NOL10: variants seen among roughly 807,000 people sequenced by gnomAD.
The protein encoded by NOL10 is H_NH0074G24.1.
NOL10 carries 58 observed loss-of-function variants against 103.5 expected under a neutral mutation model. That is an observed-to-expected ratio of 0.56 (90% confidence interval 0.45 to 0.70). NOL10 has a LOEUF of 0.70. Among genes scored for constraint, NOL10 ranks in the 30% least tolerant of loss-of-function variants. The pLI is 0.00. For missense variants in NOL10, 763 were observed against 807.3 expected, an observed-to-expected ratio of 0.95 and a Z score of 0.67; for synonymous variants, 287 against 282.5, an observed-to-expected ratio of 1.02 and a Z score of -0.16.
intron 19 of NOL10, among the ~76,000 whole-genome samples, chr2:10,588,224 G>C (rs1164693474): frequency 6.6e-6 from 1 of 152,110 alleles, no homozygotes; most frequent in Non-Finnish European, 1.5e-5. Flanking sequence ...TGGAAGGGTG[G>C]TAAATATTTA....
rs745314511 is a variant in NOL10, at chr2:10,682,020, C to A, written c.162G>T (p.Val54=). ...CTTTTGACACCTTAATAGTGGTACA[C>A]ACAGTAGGCATTTCAAAGTCCTGAA... ...ELIQDFEMPT[V]CTTIKVSKDG... is the part of the protein sequence containing the mutation. Residue 54 remains valine, a synonymous_variant, in exon 3 of 21, where the codon GTG becomes GTT. Coordinates refer to ENST00000381685, the MANE Select transcript of NOL10 (RefSeq NM_024894.4). 6.5e-7 allele frequency: 1 copy of A among 1,536,994 alleles called. No individual in the cohort carries two copies. Among genetic ancestry groups the A allele is most frequent in the Non-Finnish European group, 8.8e-7 (1 of 1,140,288 alleles).
At chr2:10,621,620 T>G (rs1677154028) in intron 13 of NOL10, among the ~76,000 whole-genome samples, 1 of 151,876 alleles carries the variant, frequency 6.6e-6, no homozygotes, top group African/African-American at 2.4e-5. Context: ...AAAATTAACT[T>G]TGGGCTTCTA....
intron 13 of NOL10, among the ~76,000 whole-genome samples, chr2:10,643,833 A>AT (rs1678877170): frequency 6.6e-6 from 1 of 152,268 alleles, no homozygotes; most frequent in African/African-American, 2.4e-5. Flanking sequence ...AACAGTTCCC[A>AT]TAAAAGAATG....
At chr2:10,573,428 G>C (rs1674287991) in intron 20 of NOL10, among the ~76,000 whole-genome samples, 1 of 152,092 alleles carries the variant, frequency 6.6e-6, no homozygotes, top group South Asian at 2.1e-4. Flanking sequence ...TCTTGACTTT[G>C]TGATCCACCC....
At chr2:10,669,162 A>AGCTCACGGGCGCC (rs1424867919) in intron 6 of NOL10, among the ~76,000 whole-genome samples, 1 of 151,590 alleles carries the variant, frequency 6.6e-6, no homozygotes, top group African/African-American at 2.4e-5. Context: ...GCGCAATCTC[A>AGCTCACGGGCGCC]GCTCACGGGC....
intron 13 of NOL10, among the ~76,000 whole-genome samples, chr2:10,640,119 G>A (rs1678601364): frequency 1.3e-5 from 2 of 152,204 alleles, no homozygotes; most frequent in South Asian, 4.1e-4. Flanking sequence ...TGATTTATAA[G>A]ATGTTAATAC....
rs747039134 is a variant in NOL10, at chr2:10,589,282, C to T, written c.1605G>A (p.Glu535=). Residue 535 remains glutamate, a synonymous_variant, in exon 19 of 21, where the codon GAG becomes GAA. Transcript: ENST00000381685. ...EQQELREKEE[E]EEPEGKPSDA... ...CACTTGGTTTTCCTTCCGGCTCTTC[C>T]TCCTCTTCCTGAGAATAAAAATAGT... 1.9e-6 allele frequency: 3 copies of T among 1,613,478 alleles called. No homozygotes were observed. The East Asian group carries it at 6.7e-5, about 36-fold the overall frequency.
rs1558272514 is a variant in NOL10 at position 10,589,143 on chromosome 2, C to T, written c.1744G>A (p.Glu582Lys). The T allele has an allele frequency of 1.2e-6, 2 of 1,614,056 alleles. No homozygotes were observed. The highest frequency in any genetic ancestry group is 1.7e-6 in the Non-Finnish European group (2 of 1,179,902). Residue 582 changes from glutamate (E) to lysine (K), a missense_variant, in exon 19 of 21, where the codon GAG becomes AAG. Glu to Lys is a moderately conservative substitution (Grantham distance 56). Transcript: ENST00000381685. ...GGCTTTAGGACTGTCTGCTGGTCCT[C>T]CTTGAGTCGTTCCTGCCGCTTCACT... The part of the protein sequence containing the change: ...EKVKRQERLK[E>K]DQQTVLKPQF...
At chr2:10,645,532 CT>C (rs33945473) in intron 12 of NOL10, among the ~76,000 whole-genome samples, 56,015 of 131,530 alleles carry the variant, frequency 0.43, 10,983 homozygotes, top group East Asian at 0.53. Flanking sequence ...TCAATACTAT[CT>C]TTTTTTTTTT....
chr2:10,606,503 G>A (rs1676266482), intron 14 of NOL10, among the ~76,000 whole-genome samples: 1 of 151,270 alleles, frequency 6.6e-6, no homozygotes, highest in South Asian at 2.1e-4. Context: ...AGCTACTCGG[G>A]AGGTTGAGGT....
At position 10,587,150 on chromosome 2, in the gene NOL10, CATAT is replaced by C. The variant is rs1306469946; in HGVS notation, c.1844+1889_1844+1892del. ...ATATACATATATACACATATATATA[CATAT>C]ATACACATATATACACATATATATA... On this transcript the variant is annotated intron_variant, in intron 19 of 20. Transcript: ENST00000381685. Among the ~76,000 whole-genome samples the C allele has an allele frequency of 1.1e-4, 3 of 28,054 alleles. No homozygotes were observed. In the East Asian group the frequency reaches 2.4e-3, roughly 22 times the overall value. 18.4% of individuals were successfully genotyped at this position (28,054 alleles called of 152,430 possible).
intron 13 of NOL10, among the ~76,000 whole-genome samples, chr2:10,632,870 T>C (rs1453495274): frequency 6.6e-6 from 1 of 152,240 alleles, no homozygotes. Context: ...GTCTTGGTTA[T>C]GTTGCCCAGG....
chr2:10,574,593 G>T (rs1674356124), intron 20 of NOL10, among the ~76,000 whole-genome samples: 1 of 146,990 alleles, frequency 6.8e-6, no homozygotes, highest in South Asian at 2.1e-4. Context: ...CGTGCATTGA[G>T]CAGAGATGGT....
At position 10,675,867 on chromosome 2, in the gene NOL10, T is replaced by C. The variant is rs1194075618; in HGVS notation, c.216A>G (p.Thr72=). 3.2e-6 allele frequency: 5 copies of C among 1,556,206 alleles called. No homozygotes were observed. The highest frequency in any genetic ancestry group is 4.4e-6 in the Non-Finnish European group (5 of 1,143,978). The change falls in exon 4 of 21, where the codon ACA becomes ACG. Residue 72 remains threonine (T), a synonymous_variant. Coordinates refer to ENST00000381685, the MANE Select transcript of NOL10 (RefSeq NM_024894.4). ...CATAACATCGAACCCGAGGTTTATA[T>C]GTTCCTACAAAAAATTAATGTGATG... The part of the protein sequence containing the change: ...KDGQYILATG[T]YKPRVRCYDT...
At chr2:10,636,139 C>T (rs1028811474) in intron 13 of NOL10, among the ~76,000 whole-genome samples, 5 of 152,148 alleles carry the variant, frequency 3.3e-5, no homozygotes, top group African/African-American at 7.2e-5. Context: ...CTACCCGCCT[C>T]GGCCTCCCAA....
At chr2:10,581,562 C>T (rs1159454741) in intron 19 of NOL10, among the ~76,000 whole-genome samples, 1 of 152,214 alleles carries the variant, frequency 6.6e-6, no homozygotes, top group Non-Finnish European at 1.5e-5. Flanking sequence ...CACAGTGGCT[C>T]ATGCCTGCAA....
chr2:10,648,046 CAA>C (rs1679203403), intron 12 of NOL10, among the ~76,000 whole-genome samples: 1 of 152,140 alleles, frequency 6.6e-6, no homozygotes, highest in Non-Finnish European at 1.5e-5. Flanking sequence ...GATGCACACC[CAA>C]GTCATAGAGC....
chr2:10,574,799 T>C (rs1276363747), intron 20 of NOL10, among the ~76,000 whole-genome samples: 1 of 152,248 alleles, frequency 6.6e-6, no homozygotes, highest in Non-Finnish European at 1.5e-5. Flanking sequence ...CTTATCTGTC[T>C]GATGGCAAAA....
chr2:10,581,805 T>C (rs12621977), intron 19 of NOL10, among the ~76,000 whole-genome samples: 52,280 of 151,572 alleles, frequency 0.34, 9,414 homozygotes, highest in Non-Finnish European at 0.4. Flanking sequence ...TGGGCGACAG[T>C]GTGAGACCCA....
Sources: allele counts gnomAD v4.1 joint callset (sites outside exome capture counted in the v4.1 genomes callset), GRCh38; gene constraint gnomAD v4.1.1; transcripts MANE v1.5; gene names NCBI Gene and HGNC (gene_info 2026-07-23, HGNC 2026-07-21).